Variants in IGSF11 observed in about 807,000 individuals in gnomAD.
IGSF11 encodes the protein CXADR like 1.
In IGSF11, 22 loss-of-function variants were observed where a neutral mutation model predicts 41.0. The observed-to-expected ratio is 0.54, with a 90% confidence interval of 0.38 to 0.77. The LOEUF (loss-of-function observed/expected upper bound fraction) is 0.77. Ranked by LOEUF, IGSF11 falls within the 30% of genes least tolerant of loss-of-function variation. The pLI is 0.00. For synonymous variants in IGSF11, 219 were observed against 201.3 expected, an observed-to-expected ratio of 1.09 and a Z score of -0.74; for missense variants, 444 against 530.8, an observed-to-expected ratio of 0.84 and a Z score of 1.61.
chr3:118,926,931 C>A (rs1325441770), intron 3 of IGSF11, among the ~76,000 whole-genome samples: 1 of 152,100 alleles, frequency 6.6e-6, no homozygotes, highest in Non-Finnish European at 1.5e-5. Flanking sequence ...AAGCCCATGG[C>A]TTGAAGTTTC....
intron 1 of IGSF11, among the ~76,000 whole-genome samples, chr3:119,141,110 G>GA (rs2077642914): frequency 1.5e-5 from 2 of 131,288 alleles, no homozygotes; most frequent in Admixed American, 7.7e-5. Context: ...TAAATCAACA[G>GA]AAAAAATTTA....
chr3:119,122,397 A>T (rs2077345841), intron 1 of IGSF11, among the ~76,000 whole-genome samples: 1 of 152,216 alleles, frequency 6.6e-6, no homozygotes, highest in East Asian at 1.9e-4. Flanking sequence ...TCCCAAAAAA[A>T]CTTAAGTTCT....
At chr3:119,100,380 A>G (rs1200218664) in intron 1 of IGSF11, among the ~76,000 whole-genome samples, 1 of 152,226 alleles carries the variant, frequency 6.6e-6, no homozygotes, top group African/African-American at 2.4e-5. Flanking sequence ...ATAAGAGAAG[A>G]TCCTTAGAAT....
intron 4 of IGSF11, among the ~76,000 whole-genome samples, chr3:118,924,694 C>CTTATTTCCATAGCTATTTCCAT (rs1942135037): frequency 3.9e-5 from 6 of 152,058 alleles, no homozygotes; most frequent in Non-Finnish European, 7.4e-5. Context: ...GCTCTTTCTA[C>CTTATTTCCATAGCTATTTCCAT]AGCTATTTCT....
chr3:119,105,280 T>G, upstream of IGSF11: 1 of 859,006 alleles, frequency 1.2e-6, no homozygotes, highest in South Asian at 1.8e-5. Flanking sequence ...TTTTAAAATT[T>G]TTAAATAGTT....
chr3:119,141,933 G>T (rs1021170680), intron 1 of IGSF11, among the ~76,000 whole-genome samples: 1 of 152,068 alleles, frequency 6.6e-6, no homozygotes. Context: ...CACACTGAAA[G>T]TTTGGGAGGA....
intron 1 of IGSF11, among the ~76,000 whole-genome samples, chr3:119,015,018 TAA>T (rs1938535224): frequency 7.1e-6 from 1 of 139,972 alleles, no homozygotes; most frequent in Non-Finnish European, 1.5e-5. Context: ...ATTTTTAAAA[TAA>T]ACAGTTCAAA....
rs566891567 is a variant in IGSF11, at chr3:119,113,183, C to CA, written c.-13-7979dup. On this transcript the variant is annotated intron_variant, in intron 1 of 7. Coordinates refer to the IGSF11 transcript ENST00000425327. ...GTGGGGACAGAAATACAAAACATAT[C>CA]ATTCCACCCCTGGCCCCTCCCAAAT... 2.6e-5 allele frequency among the ~76,000 whole-genome samples: 4 copies of CA among 152,240 alleles called. No homozygotes were observed. In the East Asian group the frequency reaches 7.7e-4, roughly 29 times the overall value.
intron 1 of IGSF11, among the ~76,000 whole-genome samples, 175 bp from the exon 2 acceptor site, chr3:118,930,450 C>A (rs1942757551): frequency 6.6e-6 from 1 of 152,172 alleles, no homozygotes; most frequent in South Asian, 2.1e-4. Context: ...AAAAATGGTT[C>A]ATCCCTTTAC....
At chr3:119,075,831 C>G (rs148072222) in intron 1 of IGSF11, among the ~76,000 whole-genome samples, 5 of 152,274 alleles carry the variant, frequency 3.3e-5, no homozygotes, top group African/African-American at 1.2e-4. Context: ...AATGGCCATA[C>G]TGCCCAAGGT....
chr3:119,138,262 T>C (rs2077589750), intron 1 of IGSF11, among the ~76,000 whole-genome samples: 1 of 152,146 alleles, frequency 6.6e-6, no homozygotes, highest in South Asian at 2.1e-4. Context: ...AAGAGATATC[T>C]TCACTCCCAT....
At chr3:119,092,232 T>C (rs1294732735) in intron 1 of IGSF11, among the ~76,000 whole-genome samples, 3 of 152,146 alleles carry the variant, frequency 2.0e-5, no homozygotes, top group Non-Finnish European at 4.4e-5. Context: ...TTAAAAAGTT[T>C]CTGAAGTAAA....
At chr3:119,034,459 C>G in intron 1 of IGSF11, 72 bp downstream of exon 1, 1 of 1,373,876 alleles carries the variant, frequency 7.3e-7, no homozygotes, top group Admixed American at 2.9e-5. Flanking sequence ...CTTTGCCGTC[C>G]CCAAACAGCT....
At position 119,040,996 on chromosome 3, in the gene IGSF11, G is replaced by C. The variant is rs1361081461; in HGVS notation, c.49+64148C>G. On this transcript the variant is annotated intron_variant, in intron 1 of 6. Coordinates refer to the IGSF11 transcript ENST00000354673. ...TATTGAAATCTGTAAAATGCAGCTAGAGTATCTATTTGAAGGAAAACTTAA... is the reference window on the plus strand; with the variant it reads ...TATTGAAATCTGTAAAATGCAGCTACAGTATCTATTTGAAGGAAAACTTAA... Among the ~76,000 whole-genome samples, 3 of 152,188 alleles carry C rather than the reference G, an allele frequency of 2.0e-5. No homozygotes were observed. In the South Asian group the frequency reaches 6.2e-4, roughly 32 times the overall value.
chr3:119,073,319 G>A (rs372771160), intron 1 of IGSF11, among the ~76,000 whole-genome samples: 1 of 152,192 alleles, frequency 6.6e-6, no homozygotes, highest in Non-Finnish European at 1.5e-5. Flanking sequence ...CCTGACTCAG[G>A]AGCCCAGCCG....
intron 1 of IGSF11, chr3:118,949,324 G>GAAAAAAAAA (rs61410871): frequency 2.7e-5 from 3 of 111,618 alleles, no homozygotes; most frequent in African/African-American, 7.0e-5. Flanking sequence ...GCCACCTGAG[G>GAAAAAAAAA]AAAAAAAAAA....
At chr3:119,081,329 T>C (rs1421974327) in intron 1 of IGSF11, among the ~76,000 whole-genome samples, 1 of 152,156 alleles carries the variant, frequency 6.6e-6, no homozygotes, top group African/African-American at 2.4e-5. Context: ...CCTCTACTTT[T>C]TATTGCTTCT....
intron 1 of IGSF11, among the ~76,000 whole-genome samples, chr3:119,050,151 G>T (rs1208848169): frequency 1.3e-5 from 2 of 150,576 alleles, no homozygotes; most frequent in Non-Finnish European, 3.0e-5. Flanking sequence ...TGACAAATGG[G>T]ACCTAATTAA....
intron 4 of IGSF11, among the ~76,000 whole-genome samples, chr3:118,908,780 C>T (rs774647890): frequency 1.3e-5 from 2 of 152,172 alleles, no homozygotes; most frequent in Admixed American, 6.5e-5. Flanking sequence ...TTTCCAGTTC[C>T]ATCCTTTCTC....
Sources: allele counts gnomAD v4.1 joint callset (sites outside exome capture counted in the v4.1 genomes callset), GRCh38; gene constraint gnomAD v4.1.1; transcripts MANE v1.5; gene names NCBI Gene and HGNC (gene_info 2026-07-23, HGNC 2026-07-21).